Variants in KIAA2012 observed in about 807,000 individuals in gnomAD.
KIAA2012 encodes the protein KIAA2012.
KIAA2012 carries 125 observed loss-of-function variants against 150.6 expected under a neutral mutation model. The observed-to-expected ratio is 0.83, with a 90% confidence interval of 0.72 to 0.96. KIAA2012 has a LOEUF of 0.96. Ranked by LOEUF, KIAA2012 falls within the 40% of genes least tolerant of loss-of-function variation. The pLI, the probability that KIAA2012 is intolerant of heterozygous loss-of-function variation, is 0.00. For synonymous variants in KIAA2012, 462 were observed against 504.7 expected, an observed-to-expected ratio of 0.92 and a Z score of 1.13; for missense variants, 1,219 against 1,354.9, an observed-to-expected ratio of 0.90 and a Z score of 1.57.
At chr2:202,197,330 A>G (rs1292754992) in intron 22 of KIAA2012, 1 of 405,248 alleles carries the variant, frequency 2.5e-6, no homozygotes, top group Non-Finnish European at 4.5e-6. Context: ...TGACTTAGGG[A>G]CAATGCCAAG....
intron 15 of KIAA2012, among the ~76,000 whole-genome samples, chr2:202,180,916 T>G (rs191921134): frequency 6.6e-6 from 1 of 152,188 alleles, no homozygotes; most frequent in African/African-American, 2.4e-5. Flanking sequence ...TTTTTAAAAT[T>G]ACATGTTTGG....
chr2:202,162,628 T>C (rs1036733934), intron 14 of KIAA2012, among the ~76,000 whole-genome samples: 1 of 150,570 alleles, frequency 6.6e-6, no homozygotes, highest in African/African-American at 2.4e-5. Flanking sequence ...AGTTCTACGT[T>C]AATTCATAAA....
rs1445883588 is a variant in KIAA2012, at chr2:202,073,726, T to G, written c.84+15T>G. 6.5e-7 allele frequency: 1 copy of G among 1,548,284 alleles called. No homozygotes were observed. The highest frequency in any genetic ancestry group is 2.0e-5 in the Admixed American group (1 of 50,922). On this transcript the variant is annotated intron_variant, in intron 1 of 23. Transcript: ENST00000498697. ...TTGAACCAGAGGTGAGTCCCACAGC[T>G]GAAGAAAGGCACATTTTGGAGGTGG...
At position 202,168,417 on chromosome 2, in the gene KIAA2012, C is replaced by CAA. The variant is rs59232782; in HGVS notation, c.2119+3077_2119+3078dup. Among the ~76,000 whole-genome samples, 27 of 92,154 alleles carry CAA rather than the reference C, an allele frequency of 2.9e-4. 1 individual carries two copies. Among genetic ancestry groups the CAA allele is most frequent in the African/African-American group, 8.6e-4 (22 of 25,540 alleles). 60.5% of individuals were successfully genotyped at this position (92,154 alleles called of 152,430 possible). On this transcript the variant is annotated intron_variant, in intron 15 of 23. Transcript: ENST00000498697. ...CTGACGACAGAGCAAGACTCTGTCT[C>CAA]AAAAAAAAAAAAAAAAAGAAAGAAA...
At chr2:202,173,653 A>G (rs1691939748) in intron 15 of KIAA2012, among the ~76,000 whole-genome samples, 1 of 152,202 alleles carries the variant, frequency 6.6e-6, no homozygotes, top group South Asian at 2.1e-4. Context: ...ACTATTAACC[A>G]ATCAAATTCT....
intron 6 of KIAA2012, 27 bp downstream of exon 6, chr2:202,099,823 G>T: frequency 6.5e-7 from 1 of 1,532,912 alleles, no homozygotes; most frequent in South Asian, 1.2e-5. Flanking sequence ...CTTGCTCATT[G>T]ATCTGGGTAA....
chr2:202,168,429 A>G (rs1691818375), intron 15 of KIAA2012, among the ~76,000 whole-genome samples: 1 of 151,478 alleles, frequency 6.6e-6, no homozygotes, highest in Non-Finnish European at 1.5e-5. Flanking sequence ...AAAAAAAAAA[A>G]AAAAAGAAAG....
At chr2:202,182,492 T>C (rs891580695) in intron 15 of KIAA2012, among the ~76,000 whole-genome samples, 2 of 152,208 alleles carry the variant, frequency 1.3e-5, no homozygotes, top group African/African-American at 4.8e-5. Context: ...GGTATATCAA[T>C]AGTTCATTCC....
At chr2:202,147,429 A>G (rs1477865687) in intron 13 of KIAA2012, among the ~76,000 whole-genome samples, 1 of 152,200 alleles carries the variant, frequency 6.6e-6, no homozygotes, top group Non-Finnish European at 1.5e-5. Flanking sequence ...CCCACAGCAC[A>G]GGGCTGCAGA....
chr2:202,168,147 A>G (rs1691808753), intron 15 of KIAA2012, among the ~76,000 whole-genome samples: 1 of 152,148 alleles, frequency 6.6e-6, no homozygotes, highest in East Asian at 1.9e-4. Flanking sequence ...AGGGCCAGGC[A>G]TGGTGGCTTA....
intron 15 of KIAA2012, among the ~76,000 whole-genome samples, chr2:202,174,801 T>TTTA (rs1229142567): frequency 6.6e-6 from 1 of 152,226 alleles, no homozygotes; most frequent in Non-Finnish European, 1.5e-5. Context: ...AATGACTTTT[T>TTTA]TTATTATTAT....
chr2:202,081,806 C>G (rs1346488983), intron 2 of KIAA2012, among the ~76,000 whole-genome samples: 1 of 152,074 alleles, frequency 6.6e-6, no homozygotes, highest in Admixed American at 6.5e-5. Flanking sequence ...CTCAGCCTAC[C>G]AAAGTGCTGG....
intron 13 of KIAA2012, among the ~76,000 whole-genome samples, chr2:202,149,001 A>G (rs1245108964): frequency 6.6e-6 from 1 of 152,186 alleles, no homozygotes; most frequent in Non-Finnish European, 1.5e-5. Context: ...GCCATGGGCA[A>G]GGAACAACAG....
At chr2:202,194,438 A>G in intron 21 of KIAA2012, 76 bp downstream of exon 21, 4 of 1,472,414 alleles carry the variant, frequency 2.7e-6, no homozygotes, top group Non-Finnish European at 3.7e-6. Flanking sequence ...GTGAGTGTTC[A>G]TTTATTCCTA....
intron 10 of KIAA2012, among the ~76,000 whole-genome samples, chr2:202,110,195 C>G (rs1259433499): frequency 2.0e-5 from 3 of 152,180 alleles, no homozygotes; most frequent in Non-Finnish European, 4.4e-5. Context: ...AAGTCAACTC[C>G]AGCCCAGGGC....
chr2:202,178,214 G>A (rs1692037322), intron 15 of KIAA2012, among the ~76,000 whole-genome samples: 3 of 151,794 alleles, frequency 2.0e-5, no homozygotes, highest in African/African-American at 7.3e-5. Flanking sequence ...AAGAAAGAAA[G>A]AAAGAAAGAA....
intron 18 of KIAA2012, among the ~76,000 whole-genome samples, chr2:202,189,258 G>A (rs1437443811): frequency 4.6e-5 from 7 of 151,832 alleles, no homozygotes; most frequent in East Asian, 3.9e-4. Flanking sequence ...CCCTCCGGAC[G>A]GTCCTGCCCC....
chr2:202,154,797 C>A lies in KIAA2012; in HGVS notation c.2033C>A (p.Thr678Lys). Residue 678 changes from threonine to lysine, a missense_variant, in exon 14 of 24, where the codon ACG becomes AAG. Coordinates refer to ENST00000498697, the MANE Select transcript of KIAA2012 (RefSeq NM_001277372.4). ...ACGCGCAAGCTGCACATCGACATGA[C>A]GCCGTTCCTGAAGGTGATCTCACAC... ...FYTRKLHIDM[T>K]PFLKESGNAL... 6.5e-7 allele frequency: 1 copy of A among 1,546,536 alleles called. No individual in the cohort carries two copies. The highest frequency in any genetic ancestry group is 8.7e-7 in the Non-Finnish European group (1 of 1,145,976).
At chr2:202,127,548 G>C (rs1030433155) in intron 12 of KIAA2012, among the ~76,000 whole-genome samples, 2 of 152,330 alleles carry the variant, frequency 1.3e-5, no homozygotes, top group Admixed American at 6.5e-5. Context: ...GCTGCATGGA[G>C]AAGGGGACAC....
Sources: gnomAD v4.1 joint callset for allele counts (sites outside exome capture counted in the v4.1 genomes callset) on GRCh38, gnomAD v4.1.1 for gene constraint, MANE v1.5 for transcripts, NCBI Gene and HGNC (gene_info 2026-07-23, HGNC 2026-07-21) for gene names.